ASIC2: variants seen among roughly 807,000 people sequenced by gnomAD.
ASIC2 encodes the protein acid sensing ion channel subunit 2.
A neutral mutation model predicts 57.3 loss-of-function variants in ASIC2; 25 were observed. The ratio of observed to expected loss-of-function variants is 0.44; its 90% CI spans 0.32 to 0.61. The LOEUF (loss-of-function observed/expected upper bound fraction) is 0.61. ASIC2 is among the 20% of genes least tolerant of loss of function. The pLI is 0.06. For missense variants in ASIC2, 641 were observed against 738.1 expected, an observed-to-expected ratio of 0.87 and a Z score of 1.52; for synonymous variants, 319 against 307.5, an observed-to-expected ratio of 1.04 and a Z score of -0.39.
chr17:34,019,516 A>C (rs568762838), intron 1 of ASIC2, among the ~76,000 whole-genome samples: 10 of 152,346 alleles, frequency 6.6e-5, no homozygotes, highest in African/African-American at 2.4e-4. Flanking sequence ...AGCCATCAAC[A>C]CTGAGGCAAG....
chr17:33,555,427 C>CA (rs1172037536), intron 1 of ASIC2, among the ~76,000 whole-genome samples: 1 of 151,500 alleles, frequency 6.6e-6, no homozygotes, highest in Non-Finnish European at 1.5e-5. Flanking sequence ...AGTGAGACCC[C>CA]CCAGCAACAT....
At chr17:33,858,535 T>C (rs1468026535) in intron 1 of ASIC2, among the ~76,000 whole-genome samples, 1 of 152,230 alleles carries the variant, frequency 6.6e-6, no homozygotes, top group Admixed American at 6.5e-5. Flanking sequence ...CTGATTCATC[T>C]TCAGGAATCA....
rs1209620576 is a variant in ASIC2 at position 33,906,014 on chromosome 17, T to A, written c.555+249964A>T. Among the ~76,000 whole-genome samples, 38 of 148,066 alleles carry A rather than the reference T, an allele frequency of 2.6e-4. No individual in the cohort carries two copies. In the East Asian group the frequency reaches 2.8e-3, roughly 11 times the overall value. Reference sequence around the variant, plus strand: ...CTAATATTTTAATTTTAATTAAATTTTTTTTTTTTTTTTTTGTAGAGACAA... The same window carrying A: ...CTAATATTTTAATTTTAATTAAATTATTTTTTTTTTTTTTTGTAGAGACAA... On this transcript the variant is annotated intron_variant, in intron 1 of 9. Coordinates refer to the ASIC2 transcript ENST00000359872.
intron 1 of ASIC2, among the ~76,000 whole-genome samples, chr17:33,702,863 T>C (rs1468957612): frequency 6.6e-6 from 1 of 152,202 alleles, no homozygotes; most frequent in Non-Finnish European, 1.5e-5. Context: ...ATCCTCTGTA[T>C]GCCAGGCGAT....
At chr17:33,735,197 C>T (rs973323698) in intron 1 of ASIC2, among the ~76,000 whole-genome samples, 3 of 152,056 alleles carry the variant, frequency 2.0e-5, no homozygotes, top group Non-Finnish European at 4.4e-5. Flanking sequence ...CCTCTGCCTG[C>T]CATTGTGTTT....
At chr17:34,132,773 C>T (rs1440645534) in intron 1 of ASIC2, among the ~76,000 whole-genome samples, 2 of 152,186 alleles carry the variant, frequency 1.3e-5, no homozygotes, top group Non-Finnish European at 2.9e-5. Context: ...CCACTGTGGG[C>T]TGTTGTTAGG....
chr17:33,626,141 T>C (rs941207107), intron 1 of ASIC2, among the ~76,000 whole-genome samples: 1 of 152,182 alleles, frequency 6.6e-6, no homozygotes, highest in African/African-American at 2.4e-5. Context: ...CACTGGATGG[T>C]CACTTCTAGG....
intron 1 of ASIC2, among the ~76,000 whole-genome samples, chr17:33,518,951 G>A (rs1440331252): frequency 6.6e-6 from 1 of 151,890 alleles, no homozygotes; most frequent in African/African-American, 2.4e-5. Context: ...CTCCCGAGTA[G>A]CTGGGACTAC....
At chr17:34,026,291 T>C (rs916406312) in intron 1 of ASIC2, among the ~76,000 whole-genome samples, 3 of 152,178 alleles carry the variant, frequency 2.0e-5, no homozygotes, top group African/African-American at 7.2e-5. Flanking sequence ...TGAGGAGCCC[T>C]GCAGCAGCTA....
At chr17:33,579,090 G>C (rs1916761667) in intron 1 of ASIC2, among the ~76,000 whole-genome samples, 1 of 149,960 alleles carries the variant, frequency 6.7e-6, no homozygotes, top group Admixed American at 6.6e-5. Flanking sequence ...ATTCAGACCA[G>C]TCTGGCCAAC....
intron 1 of ASIC2, among the ~76,000 whole-genome samples, chr17:33,773,899 T>C (rs1911190882): frequency 6.6e-6 from 1 of 152,122 alleles, no homozygotes; most frequent in South Asian, 2.1e-4. Flanking sequence ...ACTCCTGGGC[T>C]CAAGCAATCC....
intron 1 of ASIC2, among the ~76,000 whole-genome samples, chr17:33,873,263 T>TA (rs1398779084): frequency 1.3e-5 from 2 of 152,182 alleles, no homozygotes; most frequent in Non-Finnish European, 2.9e-5. Flanking sequence ...AACAGAACAG[T>TA]ATGATGAGGA....
chr17:33,999,568 C>T (rs559387276), intron 1 of ASIC2, among the ~76,000 whole-genome samples: 26 of 152,232 alleles, frequency 1.7e-4, no homozygotes, highest in African/African-American at 3.4e-4. Flanking sequence ...ATAAGTCTTA[C>T]GCAAAATAGC....
intron 1 of ASIC2, among the ~76,000 whole-genome samples, chr17:34,040,101 A>T (rs2142044849): frequency 7.7e-6 from 1 of 130,146 alleles, no homozygotes. Context: ...GGGCTCGCGT[A>T]CAGAGCCAGG....
At chr17:33,233,233 T>C (rs574780016) in intron 1 of ASIC2, among the ~76,000 whole-genome samples, 4 of 150,618 alleles carry the variant, frequency 2.7e-5, no homozygotes, top group African/African-American at 9.8e-5. Context: ...AAAGCTCCCT[T>C]CTAACATACT....
At chr17:33,279,171 A>G (rs182786823) in intron 1 of ASIC2, among the ~76,000 whole-genome samples, 1 of 152,318 alleles carries the variant, frequency 6.6e-6, no homozygotes, top group Admixed American at 6.5e-5. Context: ...CGGGTCATAG[A>G]TAAGGGTGAA....
intron 1 of ASIC2, among the ~76,000 whole-genome samples, chr17:33,784,826 C>T (rs923549095): frequency 1.3e-5 from 2 of 152,168 alleles, no homozygotes; most frequent in African/African-American, 4.8e-5. Flanking sequence ...TGGGGTCAGA[C>T]ATGCAGCCCA....
intron 1 of ASIC2, among the ~76,000 whole-genome samples, chr17:33,930,196 C>T (rs535379838): frequency 2.8e-4 from 42 of 152,164 alleles, no homozygotes; most frequent in Non-Finnish European, 2.1e-4. Flanking sequence ...GCAGGGAAAA[C>T]GGGACTCTAT....
intron 1 of ASIC2, among the ~76,000 whole-genome samples, chr17:33,224,527 T>A (rs1279511867): frequency 6.6e-6 from 1 of 152,074 alleles, no homozygotes; most frequent in Non-Finnish European, 1.5e-5. Context: ...AGAATACGGA[T>A]CTAACTAGAA....
Sources: allele counts gnomAD v4.1 joint callset (sites outside exome capture counted in the v4.1 genomes callset), GRCh38; gene constraint gnomAD v4.1.1; transcripts MANE v1.5; gene names NCBI Gene and HGNC (gene_info 2026-07-23, HGNC 2026-07-21).